ADAP1: variants seen among roughly 807,000 people sequenced by gnomAD.
ADAP1 encodes arf-GAP with dual PH domain-containing protein 1.
ADAP1 carries 31 observed loss-of-function variants against 54.9 expected under a neutral mutation model. The observed-to-expected ratio is 0.56, with a 90% CI of 0.42 to 0.76. The LOEUF is 0.76. Ranked by LOEUF, ADAP1 falls within the 30% of genes least tolerant of loss-of-function variation. The pLI, the probability that ADAP1 is intolerant of heterozygous loss-of-function variation, is 0.00. For synonymous variants in ADAP1, 313 were observed against 202.6 expected (o/e 1.55, Z -4.63); for missense variants, 535 against 512.4 (o/e 1.04, Z -0.42).
intron 4 of ADAP1, among the ~76,000 whole-genome samples, chr7:915,600 G>C (rs1441396070): frequency 6.6e-6 from 1 of 152,220 alleles, no homozygotes; most frequent in Non-Finnish European, 1.5e-5. Flanking sequence ...CTGCCCGAGG[G>C]TCACACGGGA....
At chr7:905,581 A>AGAAAGGAGAAAGGAGAAAGG (rs1845174971) in intron 4 of ADAP1, 1 of 18,788 alleles carries the variant, frequency 5.3e-5, no homozygotes, top group Non-Finnish European at 7.9e-5. Context: ...AGGAGAAAGG[A>AGAAAGGAGAAAGGAGAAAGG]GAAAGGAGAA....
chr7:901,540 CCGGCCCAG>C (rs1176860098), intron 6 of ADAP1: 1 of 159,260 alleles, frequency 6.3e-6, no homozygotes, highest in Non-Finnish European at 1.4e-5. Flanking sequence ...CAGCTGGCAC[CCGGCCCAG>C]CACCAGCTGG....
At chr7:922,637 C>A (rs1333041655) in intron 3 of ADAP1, among the ~76,000 whole-genome samples, 1 of 152,092 alleles carries the variant, frequency 6.6e-6, no homozygotes, top group Non-Finnish European at 1.5e-5. Flanking sequence ...CCAGTTTCCA[C>A]CGCATGGAGT....
At chr7:936,125 C>T (rs1010187943) in intron 1 of ADAP1, among the ~76,000 whole-genome samples, 5 of 152,152 alleles carry the variant, frequency 3.3e-5, no homozygotes, top group Non-Finnish European at 2.9e-5. Flanking sequence ...TTCCACGTCT[C>T]GATGTCTGGT....
chr7:910,911 G>T (rs1183412293), intron 4 of ADAP1, among the ~76,000 whole-genome samples: 1 of 152,180 alleles, frequency 6.6e-6, no homozygotes, highest in Non-Finnish European at 1.5e-5. Flanking sequence ...CCCTCAGGAG[G>T]CAAACACCGG....
chr7:906,742 TACATA>T (rs1845448562), intron 4 of ADAP1, among the ~76,000 whole-genome samples: 7 of 28,274 alleles, frequency 2.5e-4, no homozygotes, highest in Admixed American at 3.4e-4. Flanking sequence ...GGGGACAGAG[TACATA>T]GGGGACATGG....
chr7:899,685 T>C (rs1426673960), intron 8 of ADAP1, among the ~76,000 whole-genome samples, 195 bp from the exon 9 acceptor site: 1 of 151,980 alleles, frequency 6.6e-6, no homozygotes, highest in Admixed American at 6.5e-5. Flanking sequence ...GGCACCTCCC[T>C]CCTGCTCCTC....
At chr7:901,910 T>A (rs1207836553) in intron 6 of ADAP1, among the ~76,000 whole-genome samples, 3 of 152,132 alleles carry the variant, frequency 2.0e-5, no homozygotes, top group African/African-American at 7.2e-5. Flanking sequence ...CAGGGGGCTC[T>A]AAGCAGAACT....
intron 4 of ADAP1, among the ~76,000 whole-genome samples, chr7:915,681 G>C (rs1011776929): frequency 2.0e-5 from 3 of 150,036 alleles, no homozygotes; most frequent in African/African-American, 7.3e-5. Flanking sequence ...TGGGATTCCA[G>C]TGGGGCAGGA....
intron 4 of ADAP1, among the ~76,000 whole-genome samples, chr7:906,850 G>C (rs112972017): frequency 3.2e-4 from 38 of 118,078 alleles, no homozygotes; most frequent in African/African-American, 1.0e-3. Context: ...TTGGTGAGGG[G>C]ATATGACAGT....
intron 1 of ADAP1, among the ~76,000 whole-genome samples, chr7:951,170 G>A (rs571209838): frequency 2.6e-5 from 4 of 151,768 alleles, no homozygotes; most frequent in Non-Finnish European, 1.5e-5. Context: ...GTCAGGAGAC[G>A]GAGACCATCC....
intron 1 of ADAP1, among the ~76,000 whole-genome samples, chr7:952,739 C>T (rs578166985): frequency 1.2e-4 from 19 of 152,278 alleles, no homozygotes; most frequent in Non-Finnish European, 1.8e-4. Flanking sequence ...TGGCGCTACC[C>T]GACAGAGGAG....
rs185227170 is a variant in ADAP1, at chr7:931,736, G to A, written c.213+3639C>T. Among the ~76,000 whole-genome samples the A allele has an allele frequency of 5.6e-3, 814 of 145,386 alleles. 6 individuals carry two copies. The highest frequency in any genetic ancestry group is 0.019 in the African/African-American group (760 of 39,260). On this transcript the variant is annotated intron_variant, in intron 2 of 10. Transcript: ENST00000265846. ...TGAACGGCATCTCTAGGAAGCAGTT[G>A]TTTTAAAAGGTATTATCAAGGAATA...
Position 926,876 on chromosome 7 carries a change from G to T in ADAP1, c.214-232C>A. ...CAGCGTCCCTAACGACGGGGTCCCG[G>T]CAAAGGGGGCCCAGGGGCCAGGCCC... On this transcript the variant is annotated intron_variant, in intron 2 of 10. Transcript: ENST00000265846. The surrounding 1 kb of genome is among the most constrained non-coding windows in gnomAD (Gnocchi z 4.6). 1.1e-6 allele frequency: 1 copy of T among 937,584 alleles called. No homozygotes were observed. The highest frequency in any genetic ancestry group is 1.5e-6 in the Non-Finnish European group (1 of 668,452). The allele number at this position is 937,584 out of a possible 1,614,324, so 58.1% of individuals were successfully genotyped here.
chr7:902,018 T>C (rs1162979984), intron 6 of ADAP1, among the ~76,000 whole-genome samples: 2 of 152,070 alleles, frequency 1.3e-5, no homozygotes, highest in Admixed American at 6.6e-5. Flanking sequence ...GCTGGAGCTC[T>C]GTGACCCTGC....
At chr7:918,955 G>A (rs1316328434) in intron 4 of ADAP1, among the ~76,000 whole-genome samples, 1 of 120,066 alleles carries the variant, frequency 8.3e-6, no homozygotes, top group Admixed American at 8.2e-5. Flanking sequence ...ACTGCTGGGG[G>A]GCACAGCCAG....
At chr7:947,415 G>A (rs1326157725) in intron 1 of ADAP1, among the ~76,000 whole-genome samples, 2 of 151,922 alleles carry the variant, frequency 1.3e-5, no homozygotes, top group Non-Finnish European at 2.9e-5. Flanking sequence ...CCTGTCTCTA[G>A]CTCGGGCCTC....
At chr7:900,867 AGGGCC>A (rs1844768560) in intron 6 of ADAP1, 2 of 176,146 alleles carry the variant, frequency 1.1e-5, no homozygotes, top group African/African-American at 1.0e-4. Context: ...AGTCCTGAGA[AGGGCC>A]GAAGGGCCGA....
chr7:936,801 C>T (rs1286332036), intron 1 of ADAP1, among the ~76,000 whole-genome samples: 4 of 152,234 alleles, frequency 2.6e-5, no homozygotes, highest in Non-Finnish European at 5.9e-5. Context: ...CAAGCAGGTG[C>T]GGCTGTGGAC....
Sources: gnomAD v4.1 joint callset for allele counts (sites outside exome capture counted in the v4.1 genomes callset) on GRCh38, gnomAD v4.1.1 for gene constraint, Gnocchi (gnomAD v3.1) non-coding constraint, MANE v1.5 for transcripts, NCBI Gene and HGNC (gene_info 2026-07-23, HGNC 2026-07-21) for gene names.